UTRN: variants seen among roughly 807,000 people sequenced by gnomAD.
UTRN encodes dystrophin-related protein 1.
Under a neutral mutation model 463.9 loss-of-function variants are expected in UTRN, and 283 were observed. The ratio of observed to expected loss-of-function variants is 0.61; its 90% CI spans 0.55 to 0.67. UTRN has a LOEUF of 0.67. Ranked by LOEUF, UTRN falls within the 30% of genes least tolerant of loss-of-function variation. The probability of loss-of-function intolerance (pLI) is 0.00; values close to 1 mark genes in which losing one functional copy is unlikely to be tolerated. For missense variants in UTRN, 3,922 were observed against 4,084.3 expected, an observed-to-expected ratio of 0.96 and a Z score of 1.08; for synonymous variants, 1,442 against 1,431.5, an observed-to-expected ratio of 1.01 and a Z score of -0.17.
intron 57 of UTRN, among the ~76,000 whole-genome samples, chr6:144,757,530 T>A (rs962746426): frequency 6.6e-6 from 1 of 152,112 alleles, no homozygotes; most frequent in Non-Finnish European, 1.5e-5. Context: ...TCTGGAAAAT[T>A]CGGTCTTGAA....
intron 2 of UTRN, among the ~76,000 whole-genome samples, chr6:144,294,728 GTTATTGTGATTATTT>G (rs1804537057): frequency 6.6e-6 from 1 of 152,054 alleles, no homozygotes; most frequent in African/African-American, 2.4e-5. Context: ...TTTATGTTAA[GTTATTGTGATTATTT>G]TTATTGTCCT....
At chr6:144,435,083 T>TTTATATATTA (rs1786404188) in intron 9 of UTRN, among the ~76,000 whole-genome samples, 2 of 152,184 alleles carry the variant, frequency 1.3e-5, no homozygotes, top group Non-Finnish European at 2.9e-5. Context: ...CAAGTTGAAG[T>TTTATATATTA]TAAAGGGAAT....
intron 51 of UTRN, among the ~76,000 whole-genome samples, chr6:144,652,360 C>A (rs1189287241): frequency 3.3e-5 from 5 of 152,172 alleles, no homozygotes; most frequent in Non-Finnish European, 7.3e-5. Flanking sequence ...ACGGGAAAGA[C>A]CTGCCCTCAC....
At chr6:144,555,802 C>A (rs9386073) in intron 49 of UTRN, among the ~76,000 whole-genome samples, 4,231 of 152,186 alleles carry the variant, frequency 0.028, 206 homozygotes, top group African/African-American at 0.097. Context: ...GCTCCTCCTT[C>A]GATTGGACAT....
intron 2 of UTRN, among the ~76,000 whole-genome samples, chr6:144,361,213 C>G (rs1426419194): frequency 1.3e-5 from 2 of 152,206 alleles, no homozygotes; most frequent in African/African-American, 4.8e-5. Context: ...TTTCCACCCA[C>G]TTTCTTTACA....
At chr6:144,507,352 T>G (rs1450296178) in intron 34 of UTRN, among the ~76,000 whole-genome samples, 1 of 152,108 alleles carries the variant, frequency 6.6e-6, no homozygotes, top group Non-Finnish European at 1.5e-5. Context: ...GACATCCTGG[T>G]TTTTGGAATT....
intron 53 of UTRN, among the ~76,000 whole-genome samples, chr6:144,724,755 T>C (rs1787668783): frequency 6.6e-6 from 1 of 152,240 alleles, no homozygotes; most frequent in Non-Finnish European, 1.5e-5. Context: ...TTATAGCACA[T>C]ATCAGTATTT....
chr6:144,751,689 GAAAA>G, intron 55 of UTRN, 113 bp from the exon 56 acceptor site: 1 of 1,007,194 alleles, frequency 9.9e-7, no homozygotes, highest in Non-Finnish European at 1.3e-6. Context: ...GTTTGGTTGA[GAAAA>G]ATCTGTGCAT....
At chr6:144,848,731 C>T (rs747331637) in intron 74 of UTRN, among the ~76,000 whole-genome samples, 12 of 152,080 alleles carry the variant, frequency 7.9e-5, no homozygotes, top group Admixed American at 3.3e-4. Flanking sequence ...GCCTAAAGAA[C>T]CAAGAAGCCA....
chr6:144,611,577 A>G (rs189217663), intron 51 of UTRN, among the ~76,000 whole-genome samples: 204 of 152,206 alleles, frequency 1.3e-3, no homozygotes, highest in Non-Finnish European at 2.1e-3. Flanking sequence ...AATTATCCAA[A>G]TAGAAAATTA....
intron 2 of UTRN, among the ~76,000 whole-genome samples, chr6:144,400,071 G>T (rs937960739): frequency 2.6e-5 from 4 of 152,098 alleles, no homozygotes; most frequent in African/African-American, 9.7e-5. Flanking sequence ...AATGGAGAAA[G>T]GTCATTAATG....
chr6:144,316,052 G>T (rs573225579), intron 2 of UTRN, among the ~76,000 whole-genome samples: 1 of 152,214 alleles, frequency 6.6e-6, no homozygotes, highest in South Asian at 2.1e-4. Flanking sequence ...CATCTTTCAT[G>T]GTTGTATTAA....
intron 2 of UTRN, among the ~76,000 whole-genome samples, chr6:144,363,488 T>G (rs1379338381): frequency 6.6e-6 from 1 of 152,180 alleles, no homozygotes; most frequent in Non-Finnish European, 1.5e-5. Context: ...CCTTACATCT[T>G]CCCTCTCAAG....
chr6:144,337,762 A>C (rs1562264314), intron 2 of UTRN, among the ~76,000 whole-genome samples: 1 of 152,056 alleles, frequency 6.6e-6, no homozygotes, highest in East Asian at 1.9e-4. Flanking sequence ...TTACAGGCAC[A>C]CGCCACCACG....
At chr6:144,386,937 A>T (rs1224448987) in intron 2 of UTRN, among the ~76,000 whole-genome samples, 2 of 152,180 alleles carry the variant, frequency 1.3e-5, no homozygotes, top group Non-Finnish European at 1.5e-5. Flanking sequence ...TTTCTTATTT[A>T]AAAAAATGCT....
chr6:144,848,081 G>A (rs554381119), intron 74 of UTRN, among the ~76,000 whole-genome samples: 1 of 152,278 alleles, frequency 6.6e-6, no homozygotes, highest in East Asian at 1.9e-4. Flanking sequence ...AGCTGTGGGT[G>A]TTCTCTCCTG....
At chr6:144,631,237 GGTGTGTGT>G (rs67332744) in intron 51 of UTRN, among the ~76,000 whole-genome samples, 7,584 of 147,516 alleles carry the variant, frequency 0.051, 727 homozygotes, top group East Asian at 0.49. Context: ...GAGAGAGAGA[GGTGTGTGT>G]GTGTGTGTGT....
At chr6:144,735,762 C>T (rs925908929) in intron 54 of UTRN, among the ~76,000 whole-genome samples, 1 of 151,918 alleles carries the variant, frequency 6.6e-6, no homozygotes, top group Non-Finnish European at 1.5e-5. Flanking sequence ...GGACTCTTCT[C>T]AGTGGTCAGT....
rs1162111184 is a variant in UTRN at position 144,479,943 on chromosome 6, G to A, written c.3468G>A (p.Lys1156=). ...EEYLERDFEY[K]SPEELESAVE... is the part of the protein sequence containing the mutation. ...ATTTGGAGCGGGATTTTGAGTACAA[G>A]TCACCAGAAGAGCTTGAGAGTGCTG... Residue 1156 remains lysine, a synonymous_variant, in exon 26 of 75, where the codon AAG becomes AAA. Transcript: ENST00000367545. The A allele has an allele frequency of 6.2e-7, 1 of 1,614,202 alleles. No homozygotes were observed. The highest frequency in any genetic ancestry group is 1.7e-5 in the Admixed American group (1 of 60,024).
Sources: gnomAD v4.1 joint callset for allele counts (sites outside exome capture counted in the v4.1 genomes callset) on GRCh38, gnomAD v4.1.1 for gene constraint, MANE v1.5 for transcripts, NCBI Gene and HGNC (gene_info 2026-07-23, HGNC 2026-07-21) for gene names.